The following ADAD1 variants were observed in gnomAD, a reference collection of about 807,000 sequenced individuals.
The protein encoded by ADAD1 is adenosine deaminase domain-containing protein 1.
Under a neutral mutation model 66.8 loss-of-function variants are expected in ADAD1, and 46 were observed. The observed-to-expected ratio is 0.69, with a 90% confidence interval of 0.54 to 0.88. ADAD1 has a LOEUF of 0.88. ADAD1 is among the 40% of genes least tolerant of loss of function. The pLI is 0.00. For missense variants in ADAD1, 617 were observed against 681.8 expected, an observed-to-expected ratio of 0.91 and a Z score of 1.06; for synonymous variants, 248 against 229.4, an observed-to-expected ratio of 1.08 and a Z score of -0.73.
At chr4:122,406,032 G>A (rs1796195984) in intron 7 of ADAD1, among the ~76,000 whole-genome samples, 2 of 152,120 alleles carry the variant, frequency 1.3e-5, no homozygotes, top group Non-Finnish European at 2.9e-5. Flanking sequence ...TAATGCTACA[G>A]TGAACATGGG....
intron 5 of ADAD1, among the ~76,000 whole-genome samples, chr4:122,387,484 A>G (rs1795225534): frequency 6.6e-6 from 1 of 152,188 alleles, no homozygotes; most frequent in Non-Finnish European, 1.5e-5. Context: ...TCGTCTACAA[A>G]CAGAGACAAA....
At chr4:122,412,482 G>C (rs1433880081) in intron 9 of ADAD1, 98 bp from the exon 10 acceptor site, 2 of 953,596 alleles carry the variant, frequency 2.1e-6, no homozygotes, top group African/African-American at 1.6e-5. Context: ...ATGTACACTG[G>C]GAAGTTAAAC....
At chr4:122,392,456 A>G (rs1306766443) in intron 5 of ADAD1, among the ~76,000 whole-genome samples, 1 of 152,202 alleles carries the variant, frequency 6.6e-6, no homozygotes, top group Non-Finnish European at 1.5e-5. Flanking sequence ...GGAATGTAAA[A>G]CCAAATACCT....
intron 7 of ADAD1, among the ~76,000 whole-genome samples, chr4:122,405,248 G>A (rs1796154650): frequency 6.6e-6 from 1 of 152,128 alleles, no homozygotes; most frequent in Non-Finnish European, 1.5e-5. Context: ...CAGTATTCTG[G>A]AAAGCCTGGC....
At chr4:122,411,659 C>G (rs535343299) in intron 9 of ADAD1, among the ~76,000 whole-genome samples, 1 of 152,078 alleles carries the variant, frequency 6.6e-6, no homozygotes. Flanking sequence ...ACTGACATGA[C>G]GCTCAAAGGA....
chr4:122,394,655 G>A (rs936964630), intron 6 of ADAD1, among the ~76,000 whole-genome samples: 1 of 152,260 alleles, frequency 6.6e-6, no homozygotes, highest in East Asian at 1.9e-4. Context: ...TGAAGAGAGG[G>A]CAATGAGGGA....
In ADAD1 at chr4:122,384,842, A is replaced by G. The variant is rs79089805; in HGVS notation, c.529+876A>G. ...GCATTTAACCATGTCTGCTGCCACTACTTTGAAAACTAAGGCAGCATTTAC... is the reference window on the plus strand; with the variant it reads ...GCATTTAACCATGTCTGCTGCCACTGCTTTGAAAACTAAGGCAGCATTTAC... On this transcript the variant is annotated intron_variant, in intron 5 of 12. Transcript: ENST00000296513. 3.9e-5 allele frequency among the ~76,000 whole-genome samples: 6 copies of G among 152,272 alleles called. 1 individual carries two copies. The Middle Eastern group carries it at 0.017, about 432-fold the overall frequency.
intron 9 of ADAD1, 105 bp from the exon 10 acceptor site, chr4:122,412,475 T>C: frequency 1.1e-6 from 1 of 896,152 alleles, no homozygotes; most frequent in Admixed American, 2.4e-5. Context: ...GAATTAAATG[T>C]ACACTGGGAA....
At position 122,421,266 on chromosome 4, in the gene ADAD1, C is replaced by G; in HGVS notation, c.1493C>G (p.Pro498Arg). 6.3e-7 allele frequency: 1 copy of G among 1,587,460 alleles called. No homozygotes were observed. The highest frequency in any genetic ancestry group is 1.3e-5 in the African/African-American group (1 of 74,526). The change falls in exon 12 of 13, where the codon CCA becomes CGA. Residue 498 changes from proline (P) to arginine (R), a missense_variant. Coordinates refer to ENST00000296513, the MANE Select transcript of ADAD1 (RefSeq NM_139243.4). ...GLSGKITESS[P>R]FKSGMSMASR... ...TTTTATTTCTCTCTGCTTAGTTCCC[C>G]ATTTAAAAGTGGTATGTCAATGGCA... is the stretch of plus-strand genomic sequence containing the variant.
intron 8 of ADAD1, 29 bp downstream of exon 8, chr4:122,408,060 A>G: frequency 6.3e-7 from 1 of 1,588,924 alleles, no homozygotes; most frequent in Non-Finnish European, 8.6e-7. Flanking sequence ...TAATGTTATT[A>G]AATATGAATG....
intron 8 of ADAD1, among the ~76,000 whole-genome samples, chr4:122,409,661 A>G (rs1256288277): frequency 6.6e-6 from 1 of 151,872 alleles, no homozygotes; most frequent in Non-Finnish European, 1.5e-5. Context: ...CTTTTTATTT[A>G]ACTTTTTCTT....
chr4:122,395,630 A>G (rs555318278), intron 6 of ADAD1, among the ~76,000 whole-genome samples: 1 of 151,208 alleles, frequency 6.6e-6, no homozygotes, highest in African/African-American at 2.4e-5. Flanking sequence ...ATGCCACTGC[A>G]CTCCAGTCTG....
rs371504641 is a variant in ADAD1, at chr4:122,389,483, G to A, written c.530-4106G>A. ...TAAAGTCTCCCACTATTATTGTGTG[G>A]GACTTTAAGTCTCTTTGTAGGTTTC... On this transcript the variant is annotated intron_variant, in intron 5 of 12. Transcript: ENST00000296513. Among the ~76,000 whole-genome samples, 4 of 152,180 alleles carry A rather than the reference G, an allele frequency of 2.6e-5. No homozygotes were observed. In the East Asian group the frequency reaches 5.8e-4, roughly 22 times the overall value.
chr4:122,406,785 A>G (rs1484257058), intron 7 of ADAD1, among the ~76,000 whole-genome samples: 1 of 152,056 alleles, frequency 6.6e-6, no homozygotes, highest in African/African-American at 2.4e-5. Context: ...TCTTTTGGCT[A>G]GAATACCCTT....
intron 12 of ADAD1, among the ~76,000 whole-genome samples, chr4:122,423,255 G>C (rs1797088695): frequency 6.6e-6 from 1 of 152,196 alleles, no homozygotes; most frequent in African/African-American, 2.4e-5. Context: ...AAATTAATGG[G>C]GAAAACTGGT....
intron 5 of ADAD1, among the ~76,000 whole-genome samples, chr4:122,392,197 G>A (rs1258408376): frequency 6.6e-6 from 1 of 152,048 alleles, no homozygotes; most frequent in East Asian, 1.9e-4. Context: ...CTCTATTACT[G>A]GGTTTATAAC....
intron 2 of ADAD1, 95 bp from the exon 3 acceptor site, chr4:122,379,967 T>G: frequency 1.6e-6 from 2 of 1,247,368 alleles, no homozygotes; most frequent in East Asian, 2.5e-5. Flanking sequence ...CCAAGGCCAT[T>G]TATGGAAATA....
intron 4 of ADAD1, among the ~76,000 whole-genome samples, chr4:122,383,556 A>G (rs1428347577): frequency 2.6e-5 from 4 of 152,196 alleles, no homozygotes; most frequent in African/African-American, 9.7e-5. Context: ...GTACTCTACT[A>G]CTGGCCCTAT....
At chr4:122,425,250 C>G (rs1222831075) in intron 12 of ADAD1, among the ~76,000 whole-genome samples, 1 of 152,022 alleles carries the variant, frequency 6.6e-6, no homozygotes, top group Non-Finnish European at 1.5e-5. Context: ...AATATATGTT[C>G]TTTTCAAGCC....
Sources: gnomAD v4.1 joint callset for allele counts (sites outside exome capture counted in the v4.1 genomes callset) on GRCh38, gnomAD v4.1.1 for gene constraint, MANE v1.5 for transcripts, NCBI Gene and HGNC (gene_info 2026-07-23, HGNC 2026-07-21) for gene names.